OR1B1: variants seen among roughly 807,000 people sequenced by gnomAD.
The protein encoded by OR1B1 is olfactory receptor family 1 subfamily B member 1, also known as olfactory receptor 1B1.
For missense variants in OR1B1, 414 were observed against 402.1 expected, an observed-to-expected ratio of 1.03 and a Z score of -0.25; for synonymous variants, 168 against 156.2, an observed-to-expected ratio of 1.08 and a Z score of -0.57.
At chr9:122,629,902 T>C (rs917996414), upstream of OR1B1, among the ~76,000 whole-genome samples, 11 of 152,188 alleles carry the variant, frequency 7.2e-5, no homozygotes, top group Non-Finnish European at 1.3e-4. Flanking sequence ...ATATTCACTG[T>C]CTCCAGTTCC....
At chr9:122,648,757 A>T in the OR1B1 span, among the ~76,000 whole-genome samples, 1 of 152,234 alleles carries the variant, frequency 6.6e-6, no homozygotes, top group Non-Finnish European at 1.5e-5. Context: ...GAGAGGATAC[A>T]GACAAATGGA....
At chr9:122,630,478 C>G (rs1300276115), upstream of OR1B1, among the ~76,000 whole-genome samples, 2 of 152,116 alleles carry the variant, frequency 1.3e-5, no homozygotes, top group Non-Finnish European at 2.9e-5. Flanking sequence ...CATCTCTAAC[C>G]AATACTAATT....
At chr9:122,628,637 T>C in exon 1 of OR1B1, 1 of 1,614,108 alleles carries the variant, frequency 6.2e-7, no homozygotes, top group Non-Finnish European at 8.5e-7. Flanking sequence ...GACATCCTTA[T>C]TGTGGAGGCT....
At chr9:122,642,897 T>A in the OR1B1 span, among the ~76,000 whole-genome samples, 1 of 152,210 alleles carries the variant, frequency 6.6e-6, no homozygotes, top group Non-Finnish European at 1.5e-5. Context: ...TACTTACATG[T>A]AAAGTGCTAA....
chr9:122,642,506 A>G, the OR1B1 span, among the ~76,000 whole-genome samples: 2 of 152,016 alleles, frequency 1.3e-5, no homozygotes, highest in African/African-American at 4.8e-5. Flanking sequence ...GGCCCTAGAG[A>G]TCTTTCCTCT....
upstream of OR1B1, among the ~76,000 whole-genome samples, chr9:122,633,350 G>A (rs938804598): frequency 6.6e-6 from 1 of 152,022 alleles, no homozygotes; most frequent in Non-Finnish European, 1.5e-5. Context: ...AAAATTCCAA[G>A]AAGAAAATAC....
the OR1B1 span, among the ~76,000 whole-genome samples, chr9:122,649,588 G>A: frequency 1.3e-5 from 2 of 152,150 alleles, no homozygotes; most frequent in Non-Finnish European, 2.9e-5. Context: ...AGTGGGCAAA[G>A]GATATAAGCA....
At chr9:122,644,206 C>T in the OR1B1 span, among the ~76,000 whole-genome samples, 3 of 152,142 alleles carry the variant, frequency 2.0e-5, no homozygotes, top group East Asian at 5.8e-4. Context: ...TCTGGACCTG[C>T]TCTGGGCCAG....
chr9:122,640,269 C>T, the OR1B1 span, among the ~76,000 whole-genome samples: 3 of 152,028 alleles, frequency 2.0e-5, no homozygotes, highest in African/African-American at 7.2e-5. Flanking sequence ...AAGTGGTTAT[C>T]TCTTTTCTAT....
the OR1B1 span, among the ~76,000 whole-genome samples, chr9:122,638,116 A>C: frequency 1.3e-5 from 2 of 152,238 alleles, no homozygotes; most frequent in Non-Finnish European, 2.9e-5. Context: ...TAAAACATGC[A>C]AGAGAATTCT....
chr9:122,643,132 C>T, the OR1B1 span, among the ~76,000 whole-genome samples: 1 of 152,096 alleles, frequency 6.6e-6, no homozygotes, highest in Non-Finnish European at 1.5e-5. Context: ...CAGAGAAAAG[C>T]ACTGACACAA....
At chr9:122,628,463 C>A (rs577669352), downstream of OR1B1, 1 of 688,584 alleles carries the variant, frequency 1.5e-6, no homozygotes, top group South Asian at 1.9e-5. Flanking sequence ...AGAGCCAAAT[C>A]TGGAGTTCCT....
At chr9:122,641,466 C>T in the OR1B1 span, among the ~76,000 whole-genome samples, 5 of 151,990 alleles carry the variant, frequency 3.3e-5, no homozygotes, top group African/African-American at 9.7e-5. Flanking sequence ...AGGACAAATG[C>T]AGTAGAAAAC....
chr9:122,648,788 A>T, the OR1B1 span, among the ~76,000 whole-genome samples: 2 of 152,190 alleles, frequency 1.3e-5, no homozygotes, highest in Non-Finnish European at 2.9e-5. Flanking sequence ...ATGCTCGTGG[A>T]TAGGAAGAAT....
chr9:122,633,050 T>A (rs1587981457), upstream of OR1B1, among the ~76,000 whole-genome samples: 1 of 152,060 alleles, frequency 6.6e-6, no homozygotes, highest in South Asian at 2.1e-4. Flanking sequence ...TTATTTACAA[T>A]CATGAGAACA....
chr9:122,657,560 T>C, the OR1B1 span, among the ~76,000 whole-genome samples: 1 of 152,168 alleles, frequency 6.6e-6, no homozygotes, highest in Non-Finnish European at 1.5e-5. Flanking sequence ...TTACCAGCAA[T>C]AGTAGTCTTG....
At chr9:122,652,692 T>C in the OR1B1 span, among the ~76,000 whole-genome samples, 1 of 152,130 alleles carries the variant, frequency 6.6e-6, no homozygotes, top group African/African-American at 2.4e-5. Context: ...GTTCTATGTT[T>C]GTTGTTGTTT....
chr9:122,629,752 C>A (rs1348421718), upstream of OR1B1, among the ~76,000 whole-genome samples: 1 of 152,186 alleles, frequency 6.6e-6, no homozygotes, highest in Non-Finnish European at 1.5e-5. Context: ...CCTTTTCACC[C>A]ACCCTAGTGA....
chr9:122,642,806 C>T, the OR1B1 span, among the ~76,000 whole-genome samples: 107 of 152,134 alleles, frequency 7.0e-4, no homozygotes, highest in East Asian at 0.016. Flanking sequence ...GCTTTGGAGA[C>T]GAAATTGAAT....
Sources: gnomAD v4.1 joint callset for allele counts (sites outside exome capture counted in the v4.1 genomes callset) on GRCh38, gnomAD v4.1.1 for gene constraint, MANE v1.5 for transcripts, NCBI Gene and HGNC (gene_info 2026-07-23, HGNC 2026-07-21) for gene names.